Variants in PIEZO2 observed in about 807,000 individuals in gnomAD.
PIEZO2 encodes piezo-type mechanosensitive ion channel component 2.
In PIEZO2, 172 loss-of-function variants were observed where a neutral mutation model predicts 337.3. The ratio of observed to expected loss-of-function variants is 0.51; its 90% CI spans 0.45 to 0.58. PIEZO2 has a LOEUF of 0.58. Among genes scored for constraint, PIEZO2 ranks in the 20% least tolerant of loss-of-function variants. The pLI is 0.00. For missense variants in PIEZO2, 3,028 were observed against 3,391.3 expected (o/e 0.89, Z 2.66); for synonymous variants, 1,251 against 1,228.5 (o/e 1.02, Z -0.38).
intron 1 of PIEZO2, among the ~76,000 whole-genome samples, chr18:11,086,669 T>C (rs1406939529): frequency 1.3e-5 from 2 of 152,090 alleles, no homozygotes; most frequent in Non-Finnish European, 2.9e-5. Context: ...TTGATAGATA[T>C]GAAAAACACT....
intron 7 of PIEZO2, among the ~76,000 whole-genome samples, chr18:10,818,403 T>C (rs2040426706): frequency 6.6e-6 from 1 of 152,240 alleles, no homozygotes; most frequent in Admixed American, 6.5e-5. Context: ...GCCTTGAATA[T>C]GTCCTGAATA....
chr18:11,027,192 AC>A lies in PIEZO2; in HGVS notation c.160+38934del, dbSNP rs1334353207. On this transcript the variant is annotated intron_variant, in intron 2 of 55. Transcript: ENST00000674853. The surrounding 1 kb of genome is among the most constrained non-coding windows in gnomAD (Gnocchi z 4.2). ...GGGCTTGGGGATGGAATTTGAAGAG[AC>A]CCCAGAATATGGGTAGAACCTGGAG... 2.0e-5 allele frequency among the ~76,000 whole-genome samples: 3 copies of A among 152,136 alleles called. No homozygotes were observed. Among genetic ancestry groups the A allele is most frequent in the African/African-American group, 7.2e-5 (3 of 41,428 alleles).
rs559448199 is a variant in PIEZO2, at chr18:11,061,222, C to T, written c.160+4905G>A. Among the ~76,000 whole-genome samples, 222 of 152,038 alleles carry T rather than the reference C, an allele frequency of 1.5e-3. 1 individual carries two copies. The highest frequency in any genetic ancestry group is 5.0e-3 in the African/African-American group (206 of 41,444). Reference sequence around the variant, plus strand: ...ATTCAACAACCCTTCATGCTAAAAACTCTCAATAAATTAGGTATTGATGGG... The same window carrying T: ...ATTCAACAACCCTTCATGCTAAAAATTCTCAATAAATTAGGTATTGATGGG... On this transcript the variant is annotated intron_variant, in intron 2 of 55. Transcript: ENST00000674853.
chr18:11,141,449 A>T (rs1203713767), intron 1 of PIEZO2, among the ~76,000 whole-genome samples: 1 of 152,232 alleles, frequency 6.6e-6, no homozygotes, highest in Non-Finnish European at 1.5e-5. Context: ...AGATGGAATG[A>T]GTCCAAGAGG....
At chr18:10,800,539 C>G in intron 10 of PIEZO2, 64 bp from the exon 11 acceptor site, 2 of 1,449,584 alleles carry the variant, frequency 1.4e-6, no homozygotes, top group Non-Finnish European at 9.1e-7. Context: ...TGCAGACATA[C>G]CCCCACTTCC....
chr18:11,020,155 A>T (rs1310983277), intron 2 of PIEZO2, among the ~76,000 whole-genome samples: 1 of 152,230 alleles, frequency 6.6e-6, no homozygotes, highest in African/African-American at 2.4e-5. Flanking sequence ...TTCTTTCCTC[A>T]GCAAGAAAAG....
intron 2 of PIEZO2, among the ~76,000 whole-genome samples, chr18:11,012,232 T>C (rs2035933265): frequency 6.6e-6 from 1 of 152,206 alleles, no homozygotes; most frequent in African/African-American, 2.4e-5. Flanking sequence ...AAGTGCTCCA[T>C]TATGACATCT....
chr18:10,917,132 G>A (rs2031042117), intron 3 of PIEZO2, among the ~76,000 whole-genome samples: 1 of 16,664 alleles, frequency 6.0e-5, no homozygotes, highest in South Asian at 0.01. Flanking sequence ...ATAGACAAAA[G>A]GTCGGTCACC....
At chr18:10,907,833 T>G (rs960975687) in intron 4 of PIEZO2, among the ~76,000 whole-genome samples, 1 of 152,360 alleles carries the variant, frequency 6.6e-6, no homozygotes, top group Middle Eastern at 3.4e-3. Flanking sequence ...AAACCAACAT[T>G]TGATAGGCAC....
chr18:10,718,371 T>A (rs1239671141), intron 36 of PIEZO2, 112 bp from the exon 37 acceptor site: 1 of 846,878 alleles, frequency 1.2e-6, no homozygotes, highest in African/African-American at 1.7e-5. Flanking sequence ...GGACATTCTA[T>A]TTCAAGAGTT....
intron 2 of PIEZO2, among the ~76,000 whole-genome samples, chr18:11,053,523 C>T (rs1380995408): frequency 6.6e-6 from 1 of 152,210 alleles, no homozygotes; most frequent in East Asian, 1.9e-4. Flanking sequence ...ATCAAGGGAT[C>T]TTCCCACCTT....
At chr18:10,948,456 T>G (rs2033136215) in intron 3 of PIEZO2, among the ~76,000 whole-genome samples, 1 of 152,222 alleles carries the variant, frequency 6.6e-6, no homozygotes, top group Non-Finnish European at 1.5e-5. Flanking sequence ...CAAATAACCC[T>G]AATGAAATTT....
chr18:10,742,407 A>G, intron 32 of PIEZO2, 87 bp downstream of exon 32: 1 of 1,409,544 alleles, frequency 7.1e-7, no homozygotes, highest in Non-Finnish European at 9.5e-7. Context: ...TGGCAGAATA[A>G]GAAGTAATGT....
rs142901739 is a variant in PIEZO2, at chr18:10,767,518, GGGA to G, written c.2946+2627_2946+2629del. 0.31 allele frequency among the ~76,000 whole-genome samples: 46,609 copies of G among 151,842 alleles called. 7,606 individuals are homozygous for G. The highest frequency in any genetic ancestry group is 0.42 in the Middle Eastern group (124 of 294). On this transcript the variant is annotated intron_variant, in intron 21 of 55. Transcript: ENST00000674853. This position sits in a 1 kb window ranked among gnomAD's most constrained non-coding sequence, Gnocchi z 4.2. ...AGATGATGGGGCAGGTGGGGATGCA[GGGA>G]GGAGAACGTCCTCTGCGCGCAGCCC... is the stretch of plus-strand genomic sequence containing the variant.
chr18:10,999,933 G>A (rs1457893828), intron 2 of PIEZO2, among the ~76,000 whole-genome samples: 41 of 152,150 alleles, frequency 2.7e-4, no homozygotes, highest in Non-Finnish European at 5.9e-5. Context: ...AGTCAACCTT[G>A]TAGGTTAAGT....
At chr18:10,738,683 A>T (rs1223568720) in intron 33 of PIEZO2, 3 of 152,190 alleles carry the variant, frequency 2.0e-5, no homozygotes, top group African/African-American at 7.2e-5. Context: ...GTTACTGCTA[A>T]ATTACTAAGT....
chr18:11,103,346 G>A (rs2039473222), intron 1 of PIEZO2, among the ~76,000 whole-genome samples: 1 of 152,172 alleles, frequency 6.6e-6, no homozygotes, highest in African/African-American at 2.4e-5. Flanking sequence ...AAAGTGCTAG[G>A]ATTACAGGCA....
rs1294214910 is a variant in PIEZO2, at chr18:10,680,290, T to A, written c.7861A>T (p.Thr2621Ser). The change falls in exon 52 of 56, where the codon ACC (threonine) becomes TCC (serine). Residue 2621 changes from threonine to serine, a missense_variant. Thr to Ser is a moderately conservative substitution (Grantham distance 58). Transcript: ENST00000674853. The stretch of plus-strand genomic sequence containing the variant: ...TTCTGCTTACTGGGTGGGCTGATGG[T>A]CCACAAAGAATTTGAGTTTCCTTCC... ...ELEGNSNSLWTISPPSKQKMI... is the reference protein window; with the variant it reads ...ELEGNSNSLWSISPPSKQKMI... The A allele has an allele frequency of 6.2e-7, 1 of 1,613,866 alleles. No homozygotes were observed. The highest frequency in any genetic ancestry group is 8.5e-7 in the Non-Finnish European group (1 of 1,179,846).
intron 34 of PIEZO2, among the ~76,000 whole-genome samples, chr18:10,735,736 G>A (rs1396333774): frequency 6.6e-6 from 1 of 152,178 alleles, no homozygotes; most frequent in Non-Finnish European, 1.5e-5. Flanking sequence ...TCTCTATGGA[G>A]AATTCAGTTT....
Sources: gnomAD v4.1 joint callset for allele counts (sites outside exome capture counted in the v4.1 genomes callset) on GRCh38, gnomAD v4.1.1 for gene constraint, Gnocchi (gnomAD v3.1) non-coding constraint, MANE v1.5 for transcripts, NCBI Gene and HGNC (gene_info 2026-07-23, HGNC 2026-07-21) for gene names.